Variants in SPRED2 observed in about 807,000 individuals in gnomAD.
SPRED2 encodes the protein sprouty-related, EVH1 domain-containing protein 2.
A neutral mutation model predicts 43.0 loss-of-function variants in SPRED2; 47 were observed. The ratio of observed to expected loss-of-function variants is 1.09; its 90% CI spans 0.87 to 1.40. The LOEUF (loss-of-function observed/expected upper bound fraction) is 1.40. Among genes scored for constraint, SPRED2 ranks in the 40% most tolerant of loss-of-function variants. The pLI, the probability that SPRED2 is intolerant of heterozygous loss-of-function variation, is 0.00. For synonymous variants in SPRED2, 225 were observed against 225.7 expected (o/e 1.00, Z 0.03); for missense variants, 561 against 586.4 (o/e 0.96, Z 0.45).
chr2:65,409,691 C>CAAAAA (rs59225849), intron 1 of SPRED2, among the ~76,000 whole-genome samples: 30 of 90,208 alleles, frequency 3.3e-4, no homozygotes, highest in Non-Finnish European at 4.4e-4. Context: ...CAGTTTCCTG[C>CAAAAA]AAAAAAAAAA....
At chr2:65,393,853 C>T (rs945931689) in intron 1 of SPRED2, among the ~76,000 whole-genome samples, 2 of 152,114 alleles carry the variant, frequency 1.3e-5, no homozygotes, top group African/African-American at 4.8e-5. Flanking sequence ...TCAGGCTACT[C>T]TTGATAATGG....
chr2:65,307,904 G>A (rs374438730), downstream of SPRED2, among the ~76,000 whole-genome samples: 68 of 152,128 alleles, frequency 4.5e-4, no homozygotes, highest in African/African-American at 1.5e-3. Context: ...CAGTGAGGAC[G>A]CCCGCATTGG....
Position 65,316,869 on chromosome 2 carries a change from ACTGTCTGTAG to A in SPRED2, c.443_452del (p.Ala148ValfsTer55). ...CTCTCTTCTGAGAGGAATTAGAAGA[ACTGTCTGTAG>A]CTGTCTGTGTAGAGGGAGGTAACCA... On this transcript the variant is annotated frameshift_variant, in exon 5 of 6. Coordinates refer to ENST00000356388, the MANE Select transcript of SPRED2 (RefSeq NM_181784.3). LOFTEE classifies it high-confidence loss of function. 1.2e-6 allele frequency: 2 copies of A among 1,613,820 alleles called. No individual in the cohort carries two copies. Among genetic ancestry groups the A allele is most frequent in the Non-Finnish European group, 1.7e-6 (2 of 1,179,960 alleles).
intron 1 of SPRED2, among the ~76,000 whole-genome samples, chr2:65,350,940 T>C (rs1182383240): frequency 6.6e-6 from 1 of 152,218 alleles, no homozygotes; most frequent in African/African-American, 2.4e-5. Flanking sequence ...TTTTTAAGCT[T>C]CAGTTTCCTC....
At chr2:65,331,919 C>T in intron 4 of SPRED2, 68 bp downstream of exon 4, 1 of 1,256,040 alleles carries the variant, frequency 8.0e-7, no homozygotes, top group Non-Finnish European at 1.1e-6. Context: ...TGCCTCATGC[C>T]CTTAAACAAA....
intron 1 of SPRED2, among the ~76,000 whole-genome samples, chr2:65,362,704 C>G (rs997182583): frequency 3.9e-5 from 6 of 151,942 alleles, no homozygotes; most frequent in African/African-American, 1.4e-4. Context: ...ACCAAAAATA[C>G]AAAATTAGCC....
intron 1 of SPRED2, among the ~76,000 whole-genome samples, chr2:65,354,905 G>T (rs1160969880): frequency 2.0e-5 from 3 of 152,120 alleles, no homozygotes; most frequent in Non-Finnish European, 4.4e-5. Context: ...ATGGCTCCTG[G>T]GCAATTTTCT....
At chr2:65,362,864 A>C (rs1189981840) in intron 1 of SPRED2, among the ~76,000 whole-genome samples, 1 of 150,820 alleles carries the variant, frequency 6.6e-6, no homozygotes, top group African/African-American at 2.4e-5. Flanking sequence ...ATTTCAAAAA[A>C]AAAAAGAAAA....
intron 1 of SPRED2, among the ~76,000 whole-genome samples, chr2:65,388,714 C>T (rs1256922936): frequency 6.6e-6 from 1 of 152,076 alleles, no homozygotes; most frequent in Non-Finnish European, 1.5e-5. Flanking sequence ...AAAACAGGCA[C>T]ACCACACACA....
chr2:65,358,114 A>C (rs769264636), intron 1 of SPRED2, among the ~76,000 whole-genome samples: 16 of 152,244 alleles, frequency 1.1e-4, no homozygotes, highest in Non-Finnish European at 2.2e-4. Flanking sequence ...CTTTGAGTAG[A>C]GAAAAAACTT....
At chr2:65,336,501 C>T (rs1033076617) in intron 2 of SPRED2, among the ~76,000 whole-genome samples, 9 of 152,252 alleles carry the variant, frequency 5.9e-5, no homozygotes, top group East Asian at 1.9e-4. Context: ...GTATTGAGAT[C>T]GGACAACAGT....
At chr2:65,398,464 AT>A in intron 1 of SPRED2, among the ~76,000 whole-genome samples, 1 of 152,214 alleles carries the variant, frequency 6.6e-6, no homozygotes. Context: ...GTGGGAGAAA[AT>A]CTTCACAATC....
chr2:65,389,358 T>G (rs540341840), intron 1 of SPRED2, among the ~76,000 whole-genome samples: 3 of 152,294 alleles, frequency 2.0e-5, no homozygotes, highest in South Asian at 4.1e-4. Flanking sequence ...CAGTTAATTT[T>G]TCTACATTAC....
At chr2:65,366,801 C>A in intron 1 of SPRED2, 1 of 1,306,384 alleles carries the variant, frequency 7.7e-7, no homozygotes, top group Non-Finnish European at 9.7e-7. Flanking sequence ...GGTTAGTCCG[C>A]ATTTTATAGG....
intron 1 of SPRED2, among the ~76,000 whole-genome samples, chr2:65,362,393 C>T (rs1674838562): frequency 6.6e-6 from 1 of 152,048 alleles, no homozygotes; most frequent in Admixed American, 6.5e-5. Flanking sequence ...CCTCAGCCTC[C>T]CCAGTAGCTG....
intron 1 of SPRED2, among the ~76,000 whole-genome samples, chr2:65,429,401 GA>G (rs891642631): frequency 6.6e-6 from 1 of 151,932 alleles, no homozygotes; most frequent in Admixed American, 6.6e-5. Flanking sequence ...ATCATTACAA[GA>G]AAAAAACAGA....
chr2:65,333,979 G>A (rs1673889341), intron 3 of SPRED2: 1 of 276,476 alleles, frequency 3.6e-6, no homozygotes, highest in African/African-American at 2.2e-5. Flanking sequence ...CCTCTGATTT[G>A]ATACCTGGAT....
intron 1 of SPRED2, among the ~76,000 whole-genome samples, chr2:65,375,022 T>C (rs1385340581): frequency 2.0e-5 from 3 of 152,166 alleles, no homozygotes; most frequent in African/African-American, 7.2e-5. Context: ...GGGTGTCTCA[T>C]AGGTGCACAG....
intron 1 of SPRED2, among the ~76,000 whole-genome samples, chr2:65,350,050 A>G (rs536691951): frequency 6.6e-6 from 1 of 152,350 alleles, no homozygotes; most frequent in African/African-American, 2.4e-5. Context: ...TCCATGGTGT[A>G]TTTACGTTAC....
Sources: gnomAD v4.1 joint callset for allele counts (sites outside exome capture counted in the v4.1 genomes callset) on GRCh38, gnomAD v4.1.1 for gene constraint, MANE v1.5 for transcripts, NCBI Gene and HGNC (gene_info 2026-07-23, HGNC 2026-07-21) for gene names.